NUDCD1: variants seen among roughly 807,000 people sequenced by gnomAD.
The protein encoded by NUDCD1 is NudC domain containing 1.
In NUDCD1, 60 loss-of-function variants were observed where a neutral mutation model predicts 67.8. The ratio of observed to expected loss-of-function variants is 0.88; its 90% CI spans 0.72 to 1.10. NUDCD1 has a LOEUF of 1.10. Among genes scored for constraint, NUDCD1 ranks in the 50% least tolerant of loss-of-function variants. NUDCD1 has a pLI of 0.00. For synonymous variants in NUDCD1, 244 were observed against 230.8 expected (o/e 1.06, Z -0.52); for missense variants, 643 against 695.0 (o/e 0.93, Z 0.84).
In NUDCD1 at chr8:109,245,305, A is replaced by G. The variant is rs778956429; in HGVS notation, c.1459+17T>C. 3 of 1,591,566 alleles carry G rather than the reference A, an allele frequency of 1.9e-6. No homozygotes were observed. The highest frequency in any genetic ancestry group is 4.5e-5 in the East Asian group (2 of 44,572). On this transcript the variant is annotated intron_variant, in intron 9 of 9. Transcript: ENST00000239690. ...ATTTCTGATTTCATGGAAAATGTCA[A>G]AGAGTTTGCTTTATACCTAAAGCAT...
At chr8:109,248,714 G>GAAA (rs78072773) in intron 8 of NUDCD1, among the ~76,000 whole-genome samples, 3 of 99,986 alleles carry the variant, frequency 3.0e-5, no homozygotes, top group East Asian at 3.3e-4. Flanking sequence ...CCACTGTTTG[G>GAAA]AAAAAAAAAA....
chr8:109,268,688 TA>T (rs1814068601), intron 8 of NUDCD1, among the ~76,000 whole-genome samples: 1 of 152,164 alleles, frequency 6.6e-6, no homozygotes, highest in Non-Finnish European at 1.5e-5. Flanking sequence ...TTATAGCACC[TA>T]AAACTATAAC....
At chr8:109,274,824 CT>C in intron 7 of NUDCD1, among the ~76,000 whole-genome samples, 1 of 152,212 alleles carries the variant, frequency 6.6e-6, no homozygotes, top group Admixed American at 6.5e-5. Context: ...TGTTCACATT[CT>C]TAACATGATC....
chr8:109,269,627 A>G lies in NUDCD1; in HGVS notation c.1299+1378T>C, dbSNP rs1444071816. Among the ~76,000 whole-genome samples, 5 of 152,156 alleles carry G rather than the reference A, an allele frequency of 3.3e-5. No individual in the cohort carries two copies. In the East Asian group the frequency reaches 7.7e-4, roughly 23 times the overall value. ...ACGTGACAAAGAAACATCAGGGCACACTTGGCAGACATTTTTCAGGTTTTT... is the reference window on the plus strand; with the variant it reads ...ACGTGACAAAGAAACATCAGGGCACGCTTGGCAGACATTTTTCAGGTTTTT... On this transcript the variant is annotated intron_variant, in intron 8 of 9. Coordinates refer to ENST00000239690, the MANE Select transcript of NUDCD1 (RefSeq NM_032869.4).
chr8:109,311,941 AAAAAAATTAAAAAT>A (rs1436019813), intron 2 of NUDCD1, among the ~76,000 whole-genome samples: 1 of 152,106 alleles, frequency 6.6e-6, no homozygotes, highest in African/African-American at 2.4e-5. Context: ...CTAGGGAAAT[AAAAAAATTAAAAAT>A]AAAAAATTAA....
intron 9 of NUDCD1, among the ~76,000 whole-genome samples, chr8:109,244,664 GCAA>G (rs1249185572): frequency 6.6e-6 from 1 of 152,010 alleles, no homozygotes; most frequent in Admixed American, 6.5e-5. Flanking sequence ...TTTCAATAAA[GCAA>G]CAACTGTGGC....
chr8:109,274,001 C>A (rs1814218867), intron 7 of NUDCD1, among the ~76,000 whole-genome samples: 2 of 152,208 alleles, frequency 1.3e-5, no homozygotes, highest in African/African-American at 4.8e-5. Context: ...CCCACCAATG[C>A]AGAAAATTCT....
rs1238815088 is a variant in NUDCD1, at chr8:109,293,391, C to T, written c.593G>A (p.Gly198Asp). The T allele has an allele frequency of 6.3e-7, 1 of 1,587,584 alleles. No homozygotes were observed. Among genetic ancestry groups the T allele is most frequent in the Non-Finnish European group, 8.6e-7 (1 of 1,167,960 alleles). ...GACCCACTCCAGAGAAACATAGAAA[C>T]CACTTCCTTTCATATCCAATTCCTC... ...EKEELDMKGS[G>D]FYVSLEWVTI... Residue 198 changes from glycine to aspartate, a missense_variant, in exon 4 of 10, where the codon GGT becomes GAT. By Grantham distance (94) the Gly-to-Asp change is moderately conservative (BLOSUM62 -1). Transcript: ENST00000239690.
intron 8 of NUDCD1, among the ~76,000 whole-genome samples, chr8:109,268,729 T>C (rs1466736419): frequency 1.3e-5 from 2 of 152,202 alleles, no homozygotes; most frequent in Non-Finnish European, 2.9e-5. Context: ...TTCTTCATTA[T>C]TAGAACAAAT....
chr8:109,269,853 G>C (rs540166733), intron 8 of NUDCD1, among the ~76,000 whole-genome samples: 1 of 150,034 alleles, frequency 6.7e-6, no homozygotes, highest in South Asian at 2.1e-4. Context: ...GAGACACCCT[G>C]CTCACATAAA....
rs932378887 is a variant in NUDCD1, at chr8:109,242,538, C to T, written c.*471G>A. 5.9e-6 allele frequency: 1 copy of T among 168,314 alleles called. No homozygotes were observed. The highest frequency in any genetic ancestry group is 1.3e-5 in the Non-Finnish European group (1 of 79,016). The allele number at this position is 168,314 out of a possible 1,614,324, so 10.4% of individuals were successfully genotyped here. On this transcript the variant is annotated 3_prime_UTR_variant, in exon 10 of 10. Coordinates refer to ENST00000239690, the MANE Select transcript of NUDCD1 (RefSeq NM_032869.4). ...GTAAACTTAAAAAATATTAGACCTG[C>T]TGTTCTCTAGCATTTCCTCCTCCAT...
intron 8 of NUDCD1, among the ~76,000 whole-genome samples, chr8:109,252,859 G>A (rs952162487): frequency 3.3e-5 from 5 of 152,160 alleles, no homozygotes; most frequent in South Asian, 2.1e-4. Flanking sequence ...TTATTACAAT[G>A]GGCGTGACAA....
intron 2 of NUDCD1, among the ~76,000 whole-genome samples, chr8:109,310,472 A>G (rs987515554): frequency 3.9e-5 from 6 of 152,256 alleles, no homozygotes; most frequent in Admixed American, 1.3e-4. Flanking sequence ...ATTCAACTCA[A>G]GATGGATTAA....
chr8:109,247,731 C>T (rs1813530734), intron 8 of NUDCD1, among the ~76,000 whole-genome samples: 1 of 152,110 alleles, frequency 6.6e-6, no homozygotes, highest in Non-Finnish European at 1.5e-5. Context: ...TCAATTCAAC[C>T]ATCAGTTGCT....
At chr8:109,305,273 C>T (rs1211846266) in intron 2 of NUDCD1, among the ~76,000 whole-genome samples, 2 of 152,156 alleles carry the variant, frequency 1.3e-5, no homozygotes, top group East Asian at 3.9e-4. Context: ...GAAGCCTTTC[C>T]CACAGGGTCT....
rs779726148 is a variant in NUDCD1, at chr8:109,296,454, G to A, written c.389C>T (p.Ser130Leu). 1 of 1,613,558 alleles carries A rather than the reference G, an allele frequency of 6.2e-7. No homozygotes were observed. The highest frequency in any genetic ancestry group is 1.1e-5 in the South Asian group (1 of 90,996). Residue 130 changes from serine to leucine, a missense_variant, in exon 3 of 10, where the codon TCA becomes TTA. Coordinates refer to ENST00000239690, the MANE Select transcript of NUDCD1 (RefSeq NM_032869.4). Reference sequence around the variant, plus strand: ...GACATACAATCTTCCAGTTCCATCTGACAAGGTAACCCAGGTAGAAGATGA... The same window carrying A: ...GACATACAATCTTCCAGTTCCATCTAACAAGGTAACCCAGGTAGAAGATGA... ...HFSSSTWVTL[S>L]DGTGRLYVIG...
chr8:109,245,409 G>A lies in NUDCD1; in HGVS notation c.1372C>T (p.Arg458Cys), dbSNP rs758416339. ...CAGAGTAGGGCATCAACATCATGGC[G>A]CAAACAGAAGCAGGGCATTTCTTTA... ...DPKEMPCFCL[R>C]HDVDALLWQP... The change falls in exon 9 of 10, where the codon CGC (arginine) becomes TGC (cysteine). Residue 458 changes from arginine to cysteine, a missense_variant. Physicochemically the swap from Arg to Cys is radical, Grantham distance 180. Coordinates refer to ENST00000239690, the MANE Select transcript of NUDCD1 (RefSeq NM_032869.4). 1.9e-5 allele frequency: 30 copies of A among 1,613,500 alleles called. No individual in the cohort carries two copies. Among genetic ancestry groups the A allele is most frequent in the African/African-American group, 1.1e-4 (8 of 74,880 alleles).
chr8:109,321,792 A>C (rs1369910265), intron 2 of NUDCD1, among the ~76,000 whole-genome samples: 1 of 152,146 alleles, frequency 6.6e-6, no homozygotes, highest in East Asian at 1.9e-4. Flanking sequence ...AAGAAGAAAA[A>C]TACTAATTTA....
intron 7 of NUDCD1, among the ~76,000 whole-genome samples, chr8:109,273,339 A>T (rs1262098663): frequency 6.6e-6 from 1 of 152,146 alleles, no homozygotes; most frequent in Non-Finnish European, 1.5e-5. Context: ...GCCATGTAAA[A>T]GACTGAAGCC....
Sources: allele counts gnomAD v4.1 joint callset (sites outside exome capture counted in the v4.1 genomes callset), GRCh38; gene constraint gnomAD v4.1.1; transcripts MANE v1.5; gene names NCBI Gene and HGNC (gene_info 2026-07-23, HGNC 2026-07-21).